SLC6A15: variants seen among roughly 807,000 people sequenced by gnomAD.
The protein encoded by SLC6A15 is sodium-dependent neutral amino acid transporter B(0)AT2.
A neutral mutation model predicts 68.5 loss-of-function variants in SLC6A15; 33 were observed. The observed-to-expected ratio is 0.48, with a 90% CI of 0.37 to 0.64. The LOEUF is 0.64. Among genes scored for constraint, SLC6A15 ranks in the 30% least tolerant of loss-of-function variants. SLC6A15 has a pLI of 0.00. For synonymous variants in SLC6A15, 347 were observed against 301.0 expected (o/e 1.15, Z -1.58); for missense variants, 747 against 874.3 (o/e 0.85, Z 1.84).
intron 5 of SLC6A15, among the ~76,000 whole-genome samples, chr12:84,878,578 TTATA>T (rs1458356178): frequency 4.6e-5 from 7 of 150,876 alleles, no homozygotes; most frequent in Admixed American, 2.0e-4. Flanking sequence ...AAAATGAAGA[TTATA>T]CATTATAAAG....
chr12:84,910,022 G>A (rs1463372540), intron 1 of SLC6A15, among the ~76,000 whole-genome samples: 1 of 152,094 alleles, frequency 6.6e-6, no homozygotes, highest in African/African-American at 2.4e-5. Context: ...GACAAGGAAG[G>A]CATCTCATCT....
At chr12:84,885,051 C>A (rs1872023712) in intron 4 of SLC6A15, among the ~76,000 whole-genome samples, 1 of 151,652 alleles carries the variant, frequency 6.6e-6, no homozygotes, top group African/African-American at 2.4e-5. Flanking sequence ...AAGTATGAAA[C>A]AACAGAACCA....
rs1357808397 is a variant in SLC6A15, at chr12:84,873,146, C to A, written c.1050G>T (p.Leu350Phe). ...TGAAGCCCAGAACTGCAAACACCAC[C>A]AATGTTGCCAGGACAGAAGTGAAAA... ...INFFTSVLAT[L>F]VVFAVLGFKA... The change falls in exon 7 of 12, where the codon TTG becomes TTT. Residue 350 changes from leucine (L) to phenylalanine (F), a missense_variant. Physicochemically the swap from Leu to Phe is conservative, Grantham distance 22. Coordinates refer to ENST00000266682, the MANE Select transcript of SLC6A15 (RefSeq NM_182767.6). The A allele has an allele frequency of 3.1e-6, 5 of 1,614,028 alleles. No individual in the cohort carries two copies. Among genetic ancestry groups the A allele is most frequent in the Non-Finnish European group, 4.2e-6 (5 of 1,179,984 alleles).
intron 10 of SLC6A15, among the ~76,000 whole-genome samples, chr12:84,865,414 G>A (rs1004122434): frequency 1.3e-5 from 2 of 152,122 alleles, no homozygotes; most frequent in African/African-American, 2.4e-5. Flanking sequence ...CAACCCCCAC[G>A]AGAGTGGAAT....
chr12:84,906,324 C>A (rs1873153412), intron 1 of SLC6A15, among the ~76,000 whole-genome samples: 1 of 152,146 alleles, frequency 6.6e-6, no homozygotes, highest in Non-Finnish European at 1.5e-5. Flanking sequence ...ATGCCATGTT[C>A]ATGGATTAGA....
At chr12:84,862,423 G>C (rs1870893377) in intron 11 of SLC6A15, among the ~76,000 whole-genome samples, 1 of 152,124 alleles carries the variant, frequency 6.6e-6, no homozygotes. Context: ...CTAAGCAATA[G>C]ATACCTCTTA....
At chr12:84,900,934 G>T (rs1052513015) in intron 1 of SLC6A15, among the ~76,000 whole-genome samples, 1 of 144,048 alleles carries the variant, frequency 6.9e-6, no homozygotes, top group Non-Finnish European at 1.5e-5. Flanking sequence ...ATATATACAT[G>T]TATATATGTG....
intron 1 of SLC6A15, among the ~76,000 whole-genome samples, chr12:84,893,212 A>G (rs1405229336): frequency 6.6e-6 from 1 of 152,218 alleles, no homozygotes; most frequent in Non-Finnish European, 1.5e-5. Flanking sequence ...ACAATTCTGT[A>G]GTGCAGAATT....
chr12:84,870,649 C>T lies in SLC6A15; in HGVS notation c.1324G>A (p.Ala442Thr), dbSNP rs745367999. 6.2e-6 allele frequency: 10 copies of T among 1,610,684 alleles called. No homozygotes were observed. Among genetic ancestry groups the T allele is most frequent in the Non-Finnish European group, 8.5e-6 (10 of 1,178,260 alleles). ...LNKAVQGTGLAFIAFTEAMTH... is the reference protein window; with the variant it reads ...LNKAVQGTGLTFIAFTEAMTH... ...ATCGCTTCTGTAAAGGCAATAAAAG[C>T]TAAGCCGGTCCCCTGAACAGCCTGC... The change falls in exon 9 of 12, where the codon GCT becomes ACT. Residue 442 changes from alanine to threonine, a missense_variant. Transcript: ENST00000266682.
chr12:84,877,448 G>A (rs1871601572), intron 5 of SLC6A15, among the ~76,000 whole-genome samples: 1 of 152,138 alleles, frequency 6.6e-6, no homozygotes, highest in African/African-American at 2.4e-5. Context: ...TCGTTGGAGT[G>A]AAGTGCTGAT....
intron 1 of SLC6A15, among the ~76,000 whole-genome samples, chr12:84,899,266 C>A (rs1409751876): frequency 1.3e-5 from 2 of 152,088 alleles, no homozygotes; most frequent in Non-Finnish European, 2.9e-5. Flanking sequence ...AGAGATAAAC[C>A]TTACTTTTTG....
At chr12:84,875,971 A>G (rs1871518033) in intron 6 of SLC6A15, among the ~76,000 whole-genome samples, 1 of 151,734 alleles carries the variant, frequency 6.6e-6, no homozygotes, top group Non-Finnish European at 1.5e-5. Context: ...ATTAACTAAG[A>G]AAAGAAAACA....
At chr12:84,884,092 G>A (rs370979342) in intron 4 of SLC6A15, 52 bp from the exon 5 acceptor site, 16 of 1,467,226 alleles carry the variant, frequency 1.1e-5, no homozygotes, top group Admixed American at 1.8e-5. Context: ...AGAGCAATGC[G>A]ACAATTTCTT....
chr12:84,890,251 G>A (rs77602762), intron 2 of SLC6A15, among the ~76,000 whole-genome samples: 6,189 of 152,228 alleles, frequency 0.041, 403 homozygotes, highest in African/African-American at 0.14. Context: ...ATAAGAAGGA[G>A]GAGCCATTTG....
chr12:84,906,361 T>C (rs969493149), intron 1 of SLC6A15, among the ~76,000 whole-genome samples: 1 of 152,164 alleles, frequency 6.6e-6, no homozygotes, highest in African/African-American at 2.4e-5. Context: ...AGATGTCAAA[T>C]TTCCCTAAAT....
intron 9 of SLC6A15, among the ~76,000 whole-genome samples, chr12:84,869,847 A>C (rs1871213637): frequency 6.6e-6 from 1 of 152,118 alleles, no homozygotes; most frequent in South Asian, 2.1e-4. Flanking sequence ...TTTTTGGAGA[A>C]GAGTTTTTTA....
In SLC6A15 at chr12:84,896,293, A is replaced by G. The variant is rs145588886; in HGVS notation, c.-188-3985T>C. ...TACAACCCACCATCTGTATTTTGTA[A>G]AAAAGATTGTATTGGCATGTATCCA... On this transcript the variant is annotated intron_variant, in intron 1 of 11. Coordinates refer to ENST00000266682, the MANE Select transcript of SLC6A15 (RefSeq NM_182767.6). Among the ~76,000 whole-genome samples the G allele has an allele frequency of 2.2e-4, 34 of 152,314 alleles. 1 individual carries two copies. The East Asian group carries it at 6.4e-3, about 29-fold the overall frequency.
chr12:84,875,221 T>A (rs998695994), intron 6 of SLC6A15, among the ~76,000 whole-genome samples: 5 of 152,172 alleles, frequency 3.3e-5, no homozygotes, highest in African/African-American at 4.8e-5. Flanking sequence ...CATATAAGTA[T>A]TTTTGGTCAT....
chr12:84,883,846 C>T lies in SLC6A15; in HGVS notation c.756+13G>A. ...GTGATTAGCAGAATGAGGAAGGGCT[C>T]TAACATACTAACTTTTCCAGAAGAC... On this transcript the variant is annotated intron_variant, in intron 5 of 11. Transcript: ENST00000266682. 6.2e-7 allele frequency: 1 copy of T among 1,614,044 alleles called. No individual in the cohort carries two copies. The highest frequency in any genetic ancestry group is 1.1e-5 in the South Asian group (1 of 91,080).
Sources: gnomAD v4.1 joint callset for allele counts (sites outside exome capture counted in the v4.1 genomes callset) on GRCh38, gnomAD v4.1.1 for gene constraint, MANE v1.5 for transcripts, NCBI Gene and HGNC (gene_info 2026-07-23, HGNC 2026-07-21) for gene names.